EPB41L4B: variants seen among roughly 807,000 people sequenced by gnomAD.
The protein encoded by EPB41L4B is erythrocyte membrane protein band 4.1 like 4B.
Under a neutral mutation model 112.5 loss-of-function variants are expected in EPB41L4B, and 30 were observed. The ratio of observed to expected loss-of-function variants is 0.27; its 90% CI spans 0.20 to 0.36. The LOEUF (loss-of-function observed/expected upper bound fraction) is 0.36, where lower values mean the gene tolerates loss of function less well. Ranked by LOEUF, EPB41L4B falls within the 10% of genes least tolerant of loss-of-function variation. EPB41L4B has a pLI of 1.00. For missense variants in EPB41L4B, 1,024 were observed against 1,133.3 expected (o/e 0.90, Z 1.38); for synonymous variants, 408 against 439.7 (o/e 0.93, Z 0.90).
At chr9:109,265,660 T>C (rs897760374) in intron 4 of EPB41L4B, among the ~76,000 whole-genome samples, 1 of 151,788 alleles carries the variant, frequency 6.6e-6, no homozygotes, top group African/African-American at 2.4e-5. Flanking sequence ...ACGCATGGGG[T>C]TTACTCAAGT....
intron 17 of EPB41L4B, 67 bp from the exon 18 acceptor site, chr9:109,208,116 C>G (rs1254811573): frequency 1.3e-6 from 2 of 1,594,194 alleles, no homozygotes; most frequent in Non-Finnish European, 1.7e-6. Context: ...TTAACTTTTC[C>G]CAATAATCAT....
intron 15 of EPB41L4B, among the ~76,000 whole-genome samples, chr9:109,235,075 A>G (rs760431438): frequency 6.6e-6 from 1 of 152,214 alleles, no homozygotes; most frequent in Non-Finnish European, 1.5e-5. Context: ...ACTCTCAGCC[A>G]TCTCACCAAT....
intron 6 of EPB41L4B, among the ~76,000 whole-genome samples, chr9:109,260,394 T>A (rs948976879): frequency 6.8e-6 from 1 of 146,310 alleles, no homozygotes; most frequent in African/African-American, 2.5e-5. Context: ...CTATCTGACA[T>A]AACAATCAAT....
At chr9:109,242,578 A>C (rs141581312) in intron 15 of EPB41L4B, among the ~76,000 whole-genome samples, 1 of 152,374 alleles carries the variant, frequency 6.6e-6, no homozygotes, top group African/African-American at 2.4e-5. Flanking sequence ...ATCTGCTTTA[A>C]AAAGTTAAGT....
intron 15 of EPB41L4B, among the ~76,000 whole-genome samples, chr9:109,218,726 T>C (rs1321775056): frequency 6.6e-6 from 1 of 152,124 alleles, no homozygotes; most frequent in Non-Finnish European, 1.5e-5. Flanking sequence ...CTCTTACTTC[T>C]TGGTGCCTCC....
intron 1 of EPB41L4B, among the ~76,000 whole-genome samples, chr9:109,308,832 C>T (rs956441118): frequency 1.3e-5 from 2 of 152,148 alleles, no homozygotes; most frequent in Admixed American, 6.5e-5. Flanking sequence ...AATCTCAGCA[C>T]TTTGGGAGGC....
chr9:109,176,481 A>T (rs1831842508), intron 25 of EPB41L4B, 70 bp downstream of exon 25: 1 of 1,499,652 alleles, frequency 6.7e-7, no homozygotes, highest in Non-Finnish European at 9.0e-7. Context: ...TCACAAACAC[A>T]ATGAACCTAG....
intron 22 of EPB41L4B, among the ~76,000 whole-genome samples, chr9:109,189,017 C>T (rs1018917067): frequency 6.6e-6 from 1 of 152,188 alleles, no homozygotes; most frequent in Admixed American, 6.5e-5. Flanking sequence ...TGTACCCTCC[C>T]CCAACTCCCC....
At chr9:109,224,725 T>A (rs1013208842) in intron 15 of EPB41L4B, among the ~76,000 whole-genome samples, 2 of 152,184 alleles carry the variant, frequency 1.3e-5, no homozygotes, top group Non-Finnish European at 2.9e-5. Context: ...AGAAGAGGTT[T>A]TGAAAAGTAT....
At chr9:109,276,980 C>T (rs1835855559) in intron 2 of EPB41L4B, among the ~76,000 whole-genome samples, 1 of 152,162 alleles carries the variant, frequency 6.6e-6, no homozygotes, top group African/African-American at 2.4e-5. Flanking sequence ...CCAAGTACCC[C>T]ATTTTACAGA....
intron 1 of EPB41L4B, among the ~76,000 whole-genome samples, chr9:109,299,669 A>T (rs868731089): frequency 2.0e-5 from 3 of 152,178 alleles, no homozygotes; most frequent in African/African-American, 7.2e-5. Context: ...TCAAAGAATT[A>T]CCACAAGTGA....
intron 15 of EPB41L4B, among the ~76,000 whole-genome samples, chr9:109,242,577 A>T (rs1834390703): frequency 6.6e-6 from 1 of 152,240 alleles, no homozygotes; most frequent in Admixed American, 6.5e-5. Context: ...AATCTGCTTT[A>T]AAAAGTTAAG....
intron 15 of EPB41L4B, among the ~76,000 whole-genome samples, chr9:109,225,274 T>C (rs1308809363): frequency 6.6e-6 from 1 of 152,276 alleles, no homozygotes; most frequent in Non-Finnish European, 1.5e-5. Flanking sequence ...TGCCTGGTAC[T>C]GTGCCATGCA....
rs114294296 is a variant in EPB41L4B, at chr9:109,212,185, T to C, written c.1752+1515A>G. On this transcript the variant is annotated intron_variant, in intron 17 of 25. Transcript: ENST00000374566. ...TGCAAATCACTATAGAGCTTGTGAG[T>C]TCTGTGCTACACTATATGCTGTATT... 7.7e-3 allele frequency among the ~76,000 whole-genome samples: 1,175 copies of C among 152,302 alleles called. 12 individuals are homozygous for C. The highest frequency in any genetic ancestry group is 0.021 in the African/African-American group (871 of 41,552).
intron 17 of EPB41L4B, among the ~76,000 whole-genome samples, chr9:109,211,074 C>T (rs915985936): frequency 6.6e-6 from 1 of 152,146 alleles, no homozygotes; most frequent in South Asian, 2.1e-4. Context: ...ATTTTGGGCA[C>T]AAACTTTGGA....
At chr9:109,249,930 C>A (rs73529375) in intron 13 of EPB41L4B, among the ~76,000 whole-genome samples, 9 of 152,118 alleles carry the variant, frequency 5.9e-5, no homozygotes, top group Non-Finnish European at 5.9e-5. Flanking sequence ...ATCAGAGATG[C>A]GAGGTTGAGT....
At chr9:109,269,321 G>C (rs900211439) in intron 2 of EPB41L4B, among the ~76,000 whole-genome samples, 3 of 152,196 alleles carry the variant, frequency 2.0e-5, no homozygotes, top group Non-Finnish European at 4.4e-5. Context: ...ACTTCCTCTA[G>C]CTTTGACCAA....
chr9:109,248,193 T>G (rs1239130171), intron 13 of EPB41L4B, among the ~76,000 whole-genome samples: 4 of 152,190 alleles, frequency 2.6e-5, no homozygotes, highest in Non-Finnish European at 5.9e-5. Flanking sequence ...CAGAGCCTCT[T>G]CCCACGGCAG....
At chr9:109,263,192 G>C in intron 5 of EPB41L4B, 90 bp from the exon 6 acceptor site, 2 of 907,868 alleles carry the variant, frequency 2.2e-6, no homozygotes, top group Non-Finnish European at 1.7e-6. Flanking sequence ...AAAAGGTAGC[G>C]CTATTTAGAT....
Sources: allele counts gnomAD v4.1 joint callset (sites outside exome capture counted in the v4.1 genomes callset), GRCh38; gene constraint gnomAD v4.1.1; transcripts MANE v1.5; gene names NCBI Gene and HGNC (gene_info 2026-07-23, HGNC 2026-07-21).